Variants in CNOT6 observed in about 807,000 individuals in gnomAD.
CNOT6 encodes the protein CCR4-NOT transcription complex subunit 6, also known as carbon catabolite repression 4 protein.
In CNOT6, 12 loss-of-function variants were observed where a neutral mutation model predicts 61.2. The ratio of observed to expected loss-of-function variants is 0.20; its 90% confidence interval spans 0.13 to 0.32. CNOT6 has a LOEUF of 0.32. Among genes scored for constraint, CNOT6 ranks in the 10% least tolerant of loss-of-function variants. The pLI is 1.00. For missense variants in CNOT6, 405 were observed against 663.9 expected (o/e 0.61, Z 4.28); for synonymous variants, 225 against 240.6 (o/e 0.94, Z 0.60).
intron 11 of CNOT6, 46 bp from the exon 12 acceptor site, chr5:180,573,940 TTA>T (rs780817247): frequency 7.8e-7 from 1 of 1,280,400 alleles, no homozygotes; most frequent in Non-Finnish European, 1.1e-6. Context: ...ACTGAGGATT[TTA>T]GTGTTGTCTT....
chr5:180,556,978 A>T (rs1182471337), intron 4 of CNOT6, among the ~76,000 whole-genome samples: 3 of 151,914 alleles, frequency 2.0e-5, no homozygotes, highest in Admixed American at 6.6e-5. Flanking sequence ...AAAGAATGCT[A>T]CTGAATGGAA....
chr5:180,540,580 G>A (rs1463096782), intron 2 of CNOT6, among the ~76,000 whole-genome samples: 2 of 152,190 alleles, frequency 1.3e-5, no homozygotes, highest in Non-Finnish European at 2.9e-5. Context: ...AGTGTTAGAT[G>A]ATTCTGCCCA....
chr5:180,548,323 C>T (rs1759415557), intron 2 of CNOT6, among the ~76,000 whole-genome samples: 1 of 152,188 alleles, frequency 6.6e-6, no homozygotes, highest in Admixed American at 6.5e-5. Context: ...GGGTTGCTGC[C>T]TCCACCATCC....
chr5:180,528,658 T>A (rs988768134), intron 1 of CNOT6, among the ~76,000 whole-genome samples: 1 of 152,148 alleles, frequency 6.6e-6, no homozygotes, highest in Non-Finnish European at 1.5e-5. Flanking sequence ...GTTTTTTGAT[T>A]TTTAGATAAA....
chr5:180,498,260 T>A lies in CNOT6; in HGVS notation c.-3+3497T>A, dbSNP rs574340470. Among the ~76,000 whole-genome samples, 3 of 152,322 alleles carry A rather than the reference T, an allele frequency of 2.0e-5. No individual in the cohort carries two copies. The South Asian group carries it at 6.2e-4, about 32-fold the overall frequency. ...CCTTCATCCATTTATATTTTCTTGG[T>A]AACTTCAGTTACACGTTAAGGTATG... On this transcript the variant is annotated intron_variant, in intron 1 of 11. Coordinates refer to ENST00000261951, the MANE Select transcript of CNOT6 (RefSeq NM_001370472.1).
chr5:180,567,389 T>G (rs1013686287), intron 8 of CNOT6, 147 bp downstream of exon 8: 4 of 722,124 alleles, frequency 5.5e-6, no homozygotes, highest in Non-Finnish European at 8.6e-6. Flanking sequence ...GGGGTTTTTG[T>G]TTGTTTTTAA....
Position 180,576,457 on chromosome 5 carries a change from A to G in CNOT6, c.*2257A>G, listed in dbSNP as rs928479465. ...TTTGAGCTTTACACAAAATGTCTTCATCTGTATTTGTTATTGTCTACAATA... is the reference window on the plus strand; with the variant it reads ...TTTGAGCTTTACACAAAATGTCTTCGTCTGTATTTGTTATTGTCTACAATA... On this transcript the variant is annotated 3_prime_UTR_variant, in exon 12 of 12. Coordinates refer to ENST00000261951, the MANE Select transcript of CNOT6 (RefSeq NM_001370472.1). 44 of 152,632 alleles carry G rather than the reference A, an allele frequency of 2.9e-4. No individual in the cohort carries two copies. The highest frequency in any genetic ancestry group is 1.0e-3 in the African/African-American group (43 of 41,440). 9.5% of individuals were successfully genotyped at this position (152,632 alleles called of 1,614,324 possible). A position where few individuals can be genotyped will look rare whatever the true frequency, so the allele number is the denominator to read the frequency against.
intron 8 of CNOT6, among the ~76,000 whole-genome samples, chr5:180,567,467 G>A (rs1760522597): frequency 6.6e-6 from 1 of 152,064 alleles, no homozygotes. Context: ...GTTTACTAGG[G>A]TTTAACTCCC....
chr5:180,534,493 CAG>C (rs917272152), intron 2 of CNOT6: 4 of 157,434 alleles, frequency 2.5e-5, no homozygotes, highest in African/African-American at 9.6e-5. Flanking sequence ...CAGCCACCAA[CAG>C]GGAGGAATAG....
At chr5:180,570,531 A>G (rs1329515023) in intron 10 of CNOT6, among the ~76,000 whole-genome samples, 2 of 152,180 alleles carry the variant, frequency 1.3e-5, no homozygotes, top group Admixed American at 1.3e-4. Context: ...CATGCTTTCT[A>G]CTTTCTGTGT....
chr5:180,521,938 T>G (rs1220615268), intron 1 of CNOT6, among the ~76,000 whole-genome samples: 1 of 152,250 alleles, frequency 6.6e-6, no homozygotes, highest in Non-Finnish European at 1.5e-5. Flanking sequence ...TCCAGCCTAC[T>G]GTTGATGGCA....
intron 3 of CNOT6, among the ~76,000 whole-genome samples, chr5:180,552,419 A>G (rs1409721022): frequency 6.6e-6 from 1 of 151,684 alleles, no homozygotes; most frequent in African/African-American, 2.4e-5. Flanking sequence ...AGGCGGGCGG[A>G]TCACAAAGTC....
chr5:180,537,457 C>T lies in CNOT6; in HGVS notation c.112+8069C>T, dbSNP rs576583428. ...TAGGTGTGTGTTCAAATCTTTTGCCCGTTTTTAAATTGGGTTGTTTTCCTA... is the reference window on the plus strand; with the variant it reads ...TAGGTGTGTGTTCAAATCTTTTGCCTGTTTTTAAATTGGGTTGTTTTCCTA... On this transcript the variant is annotated intron_variant, in intron 2 of 11. Coordinates refer to ENST00000261951, the MANE Select transcript of CNOT6 (RefSeq NM_001370472.1). 1.7e-4 allele frequency among the ~76,000 whole-genome samples: 26 copies of T among 151,180 alleles called. 1 individual carries two copies. Among genetic ancestry groups the T allele is most frequent in the South Asian group, 1.7e-3 (8 of 4,766 alleles).
intron 4 of CNOT6, 25 bp downstream of exon 4, chr5:180,553,496 T>A: frequency 6.4e-7 from 1 of 1,553,442 alleles, no homozygotes; most frequent in South Asian, 1.1e-5. Context: ...TTTGTACTTC[T>A]TATGGTTTGT....
chr5:180,531,301 C>T (rs1281895176), intron 2 of CNOT6, among the ~76,000 whole-genome samples: 2 of 151,534 alleles, frequency 1.3e-5, no homozygotes, highest in Admixed American at 1.3e-4. Flanking sequence ...TCTCACCTCC[C>T]AGACGGGGTA....
At chr5:180,525,516 G>A (rs1276038213) in intron 1 of CNOT6, among the ~76,000 whole-genome samples, 2 of 151,006 alleles carry the variant, frequency 1.3e-5, no homozygotes, top group Non-Finnish European at 2.9e-5. Context: ...TCCAGCCTGG[G>A]TGACAAAGTG....
chr5:180,566,278 G>A (rs887299406), intron 7 of CNOT6, among the ~76,000 whole-genome samples: 2 of 152,164 alleles, frequency 1.3e-5, no homozygotes, highest in Non-Finnish European at 1.5e-5. Context: ...AAATTCTAGC[G>A]TGGTCAAGCT....
chr5:180,514,192 G>A (rs1238102204), intron 1 of CNOT6, among the ~76,000 whole-genome samples: 1 of 152,036 alleles, frequency 6.6e-6, no homozygotes, highest in African/African-American at 2.4e-5. Flanking sequence ...GGGAGGCCGA[G>A]GCGGGTGGAT....
chr5:180,540,674 T>C (rs1052796489), intron 2 of CNOT6, among the ~76,000 whole-genome samples: 16 of 152,230 alleles, frequency 1.1e-4, no homozygotes, highest in African/African-American at 3.9e-4. Flanking sequence ...GTATATTAAA[T>C]ACATTTTCGA....
Sources: allele counts gnomAD v4.1 joint callset (sites outside exome capture counted in the v4.1 genomes callset), GRCh38; gene constraint gnomAD v4.1.1; transcripts MANE v1.5; gene names NCBI Gene and HGNC (gene_info 2026-07-23, HGNC 2026-07-21).